PEX1: variants seen among roughly 807,000 people sequenced by gnomAD.
PEX1 encodes peroxisomal ATPase PEX1.
PEX1 carries 97 observed loss-of-function variants against 152.5 expected under a neutral mutation model. That is an observed-to-expected ratio of 0.64 (90% CI 0.54 to 0.75). The LOEUF is 0.75. PEX1 is among the 30% of genes least tolerant of loss of function. PEX1 has a pLI of 0.00. For missense variants in PEX1, 1,357 were observed against 1,516.3 expected (o/e 0.89, Z 1.74); for synonymous variants, 485 against 531.6 (o/e 0.91, Z 1.21).
At position 92,513,888 on chromosome 7, in the gene PEX1, T is replaced by A; in HGVS notation, c.1319A>T (p.Lys440Ile). Residue 440 changes from lysine to isoleucine, a missense_variant, in exon 6 of 24, where the codon AAA (lysine) becomes ATA (isoleucine). By Grantham distance (102) the Lys-to-Ile change is moderately radical. Coordinates refer to ENST00000248633, the MANE Select transcript of PEX1 (RefSeq NM_000466.3). ...TTGTAACTTTAGAGATCTTGGAATT[T>A]TAGGGGTAACTTCCACTGGAGTTAT... ...VRITPVEVTP[K>I]IPRSLKLQPR... The A allele has an allele frequency of 1.2e-6, 2 of 1,602,608 alleles. No individual in the cohort carries two copies. The highest frequency in any genetic ancestry group is 1.7e-6 in the Non-Finnish European group (2 of 1,169,998).
chr7:92,514,087 A>T, intron 5 of PEX1, 120 bp from the exon 6 acceptor site: 1 of 654,412 alleles, frequency 1.5e-6, no homozygotes, highest in Admixed American at 2.8e-5. Context: ...AGAAGCTATC[A>T]TAATAACTCA....
intron 2 of PEX1, among the ~76,000 whole-genome samples, chr7:92,521,406 AAAT>A (rs1793042884): frequency 6.6e-6 from 1 of 152,248 alleles, no homozygotes; most frequent in East Asian, 1.9e-4. Context: ...AAAAATGGAA[AAAT>A]AATAACCCTG....
At chr7:92,527,515 G>A (rs984497594) in intron 1 of PEX1, among the ~76,000 whole-genome samples, 3 of 152,172 alleles carry the variant, frequency 2.0e-5, no homozygotes, top group African/African-American at 7.2e-5. Flanking sequence ...TGGAAAGAAG[G>A]GATGCTTGAA....
rs762679408 is a variant in PEX1, at chr7:92,528,431, C to T, written c.5G>A (p.Trp2Ter). The change falls in exon 1 of 24, where the codon TGG (tryptophan) becomes TAG (stop). Residue 2 changes from tryptophan (W) to a stop codon, truncating the protein, a stop_gained. Transcript: ENST00000248633. LOFTEE classifies it high-confidence loss of function. ...AGCACCCGCCAGGCGATCGCTGCCC[C>T]ACATCGTCCCGGAGCGTCGCTCTGG... is the stretch of plus-strand genomic sequence containing the variant. M[W>*]GSDRLAGAGG... is the part of the protein sequence containing the mutation. 3.1e-6 allele frequency: 5 copies of T among 1,590,194 alleles called. No individual in the cohort carries two copies. Among genetic ancestry groups the T allele is most frequent in the South Asian group, 2.3e-5 (2 of 88,152 alleles).
chr7:92,523,704 G>A (rs1404795778), intron 1 of PEX1, among the ~76,000 whole-genome samples: 1 of 151,856 alleles, frequency 6.6e-6, no homozygotes, highest in East Asian at 1.9e-4. Context: ...GGTGGCATAC[G>A]CCTGTGGTCC....
At chr7:92,509,209 T>A in intron 9 of PEX1, 120 bp downstream of exon 9, 1 of 716,880 alleles carries the variant, frequency 1.4e-6, no homozygotes, top group Non-Finnish European at 2.5e-6. Context: ...AAATATCTAC[T>A]GATGCATTAT....
chr7:92,502,965 C>G (rs879484081), intron 13 of PEX1, 76 bp downstream of exon 13: 1 of 1,265,028 alleles, frequency 7.9e-7, no homozygotes, highest in African/African-American at 1.5e-5. Flanking sequence ...TTTAAAGCCA[C>G]GAATTACTAA....
rs1347948979 is a variant in PEX1 at position 92,498,097 on chromosome 7, C to CA, written c.2719-1321dup. 3.4e-5 allele frequency among the ~76,000 whole-genome samples: 5 copies of CA among 146,760 alleles called. No individual in the cohort carries two copies. The East Asian group carries it at 1.0e-3, about 29-fold the overall frequency. ...AAAAAAAAAAAAAAAAAAACTAAGG[C>CA]AAAATAACAGGAACAAGGCAACAGC... On this transcript the variant is annotated intron_variant, in intron 16 of 23. Coordinates refer to ENST00000248633, the MANE Select transcript of PEX1 (RefSeq NM_000466.3).
Position 92,509,400 on chromosome 7 carries a change from A to T in PEX1, c.1599T>A (p.Asp533Glu), listed in dbSNP as rs777661280. Residue 533 changes from aspartate (D) to glutamate (E), a missense_variant, in exon 9 of 24, where the codon GAT (aspartate) becomes GAA (glutamate). Coordinates refer to ENST00000248633, the MANE Select transcript of PEX1 (RefSeq NM_000466.3). ...LQKTTIQVLL[D>E]PMVKEENSEE... ...CACTGTTTTCTTCTTTTACCATAGG[A>T]TCTAGAAGGACCTACAGTTGCAAGG... 1 of 1,609,808 alleles carries T rather than the reference A, an allele frequency of 6.2e-7. No homozygotes were observed. Among genetic ancestry groups the T allele is most frequent in the Non-Finnish European group, 8.5e-7 (1 of 1,176,562 alleles).
chr7:92,519,120 TTC>T, intron 2 of PEX1, 42 bp from the exon 3 acceptor site: 1 of 1,072,266 alleles, frequency 9.3e-7, no homozygotes, highest in South Asian at 1.3e-5. Context: ...AAAAAAACTT[TTC>T]TGTGTCATAT....
At chr7:92,515,083 A>C (rs1389392479) in intron 5 of PEX1, among the ~76,000 whole-genome samples, 1,510 of 4,666 alleles carry the variant, frequency 0.32, 43 homozygotes, top group Middle Eastern at 0.38. Flanking sequence ...ATATATATAT[A>C]TATATATATA....
At chr7:92,523,470 C>T (rs1282619088) in intron 1 of PEX1, among the ~76,000 whole-genome samples, 1 of 151,666 alleles carries the variant, frequency 6.6e-6, no homozygotes, top group Non-Finnish European at 1.5e-5. Flanking sequence ...TATAGGCATA[C>T]ACCACCACAC....
chr7:92,501,870 G>C lies in PEX1; in HGVS notation c.2416+20C>G. The C allele has an allele frequency of 6.3e-7, 1 of 1,598,188 alleles. No homozygotes were observed. The highest frequency in any genetic ancestry group is 8.6e-7 in the Non-Finnish European group (1 of 1,165,856). On this transcript the variant is annotated intron_variant, in intron 14 of 23. Transcript: ENST00000248633. ...AATAGAAAGAAGATTCCAAGTTCAG[G>C]TTTTAATAGTAAAACATACTTTCTC...
chr7:92,503,092 A>G lies in PEX1; in HGVS notation c.2175T>C (p.Ala725=), dbSNP rs1338734513. 6.2e-7 allele frequency: 1 copy of G among 1,613,840 alleles called. No homozygotes were observed. The highest frequency in any genetic ancestry group is 8.5e-7 in the Non-Finnish European group (1 of 1,179,798). Residue 725 remains alanine, a synonymous_variant, in exon 13 of 24, where the codon GCT becomes GCC. Transcript: ENST00000248633. ...CGCACTGAAATATGTGAACTCCTTGAGCAGAAACAAGTAAAGGATGTAGAG... is the reference window on the plus strand; with the variant it reads ...CGCACTGAAATATGTGAACTCCTTGGGCAGAAACAAGTAAAGGATGTAGAG... The part of the protein sequence containing the change: ...QQSLHPLLVS[A]QGVHIFQCVQ...
chr7:92,527,553 G>T (rs1356437170), intron 1 of PEX1, among the ~76,000 whole-genome samples: 1 of 152,224 alleles, frequency 6.6e-6, no homozygotes, highest in African/African-American at 2.4e-5. Flanking sequence ...TCATTGCATA[G>T]ATTAGCCACT....
Position 92,494,641 on chromosome 7 carries a change from AAAC to A in PEX1, c.2784-15_2784-13del, listed in dbSNP as rs1432413300. The A allele has an allele frequency of 5.6e-6, 9 of 1,613,412 alleles. No homozygotes were observed. Among genetic ancestry groups the A allele is most frequent in the East Asian group, 2.2e-5 (1 of 44,870 alleles). On this transcript the variant is annotated splice_polypyrimidine_tract_variant and intron_variant, in intron 17 of 23. Transcript: ENST00000248633. ...TTGCAGCCTGTGCTCTGGGAAAAACAAACAACATTTCATATTTGAATCAGGCTT... is the reference window on the plus strand; with the variant it reads ...TTGCAGCCTGTGCTCTGGGAAAAACAAACATTTCATATTTGAATCAGGCTT...
At chr7:92,492,226 A>G (rs1791370904) in intron 20 of PEX1, among the ~76,000 whole-genome samples, 1 of 152,096 alleles carries the variant, frequency 6.6e-6, no homozygotes. Context: ...GGCTCACTGC[A>G]TCCTGGATTT....
chr7:92,505,035 AC>A (rs1379102840), intron 11 of PEX1, 133 bp from the exon 12 acceptor site: 1 of 687,996 alleles, frequency 1.5e-6, no homozygotes, highest in Non-Finnish European at 2.5e-6. Flanking sequence ...TTATTAATAT[AC>A]CCATCACAAA....
chr7:92,528,196 C>A (rs1304388755), intron 1 of PEX1, 111 bp downstream of exon 1: 4 of 1,425,084 alleles, frequency 2.8e-6, no homozygotes, highest in East Asian at 2.5e-5. Flanking sequence ...CTGATCTCTG[C>A]GCGCTTCGGC....
Sources: allele counts gnomAD v4.1 joint callset (sites outside exome capture counted in the v4.1 genomes callset), GRCh38; gene constraint gnomAD v4.1.1; transcripts MANE v1.5; gene names NCBI Gene and HGNC (gene_info 2026-07-23, HGNC 2026-07-21).